RPH3AL: variants seen among roughly 807,000 people sequenced by gnomAD.
RPH3AL encodes the protein rab effector Noc2.
RPH3AL carries 38 observed loss-of-function variants against 43.1 expected under a neutral mutation model. The observed-to-expected ratio is 0.88, with a 90% confidence interval of 0.68 to 1.15. The LOEUF (loss-of-function observed/expected upper bound fraction) is 1.15. Ranked by LOEUF, RPH3AL falls within the 50% of genes most tolerant of loss-of-function variation. RPH3AL has a pLI of 0.00. For missense variants in RPH3AL, 462 were observed against 423.2 expected, an observed-to-expected ratio of 1.09 and a Z score of -0.81; for synonymous variants, 189 against 176.3, an observed-to-expected ratio of 1.07 and a Z score of -0.57.
intron 1 of RPH3AL, among the ~76,000 whole-genome samples, chr17:337,940 G>A (rs140928308): frequency 6.2e-4 from 94 of 152,274 alleles, no homozygotes; most frequent in African/African-American, 1.6e-3. Context: ...TTCATCTGAC[G>A]CTGTTCTCAT....
At chr17:318,153 C>A (rs891941808) in intron 5 of RPH3AL, among the ~76,000 whole-genome samples, 1 of 152,024 alleles carries the variant, frequency 6.6e-6, no homozygotes. Flanking sequence ...GAGGCCGAGG[C>A]AGGCGGATCA....
At position 273,894 on chromosome 17, in the gene RPH3AL, A is replaced by G. The variant is rs116911617; in HGVS notation, c.438+7874T>C. The stretch of plus-strand genomic sequence containing the variant: ...TTAACCAGCTTTCAGCTCCTTAAAA[A>G]TTGGTCTTCTTCACCCCTTTCTAGG... On this transcript the variant is annotated intron_variant, in intron 6 of 9. Transcript: ENST00000331302. Among the ~76,000 whole-genome samples, 5 of 152,268 alleles carry G rather than the reference A, an allele frequency of 3.3e-5. No individual in the cohort carries two copies. In the East Asian group the frequency reaches 9.7e-4, roughly 29 times the overall value.
chr17:340,081 T>G (rs1056209882), intron 1 of RPH3AL, among the ~76,000 whole-genome samples: 1 of 151,962 alleles, frequency 6.6e-6, no homozygotes, highest in Non-Finnish European at 1.5e-5. Context: ...CCAGACCCAC[T>G]GCCTGAACCA....
Position 213,644 on chromosome 17 carries a change from T to G in RPH3AL, c.*208A>C. On this transcript the variant is annotated 3_prime_UTR_variant, in exon 10 of 10. Transcript: ENST00000331302. ...AAGGTCGGGGGCTGAGGGCAGTGGT[T>G]GGAGGGGGTGGCGGATGCAGACAGC... 1.7e-6 allele frequency: 1 copy of G among 600,330 alleles called. No individual in the cohort carries two copies. The highest frequency in any genetic ancestry group is 3.0e-6 in the Non-Finnish European group (1 of 334,646). 37.2% of individuals were successfully genotyped at this position (600,330 alleles called of 1,614,324 possible).
chr17:327,380 G>A, intron 3 of RPH3AL, 87 bp downstream of exon 3: 2 of 1,198,486 alleles, frequency 1.7e-6, no homozygotes, highest in Non-Finnish European at 2.5e-6. Flanking sequence ...CTCTTTCTGG[G>A]CCCCTGGGAA....
At chr17:314,800 G>C (rs1265207330) in intron 5 of RPH3AL, among the ~76,000 whole-genome samples, 8 of 145,634 alleles carry the variant, frequency 5.5e-5, no homozygotes, top group African/African-American at 2.2e-4. Context: ...TGTAGTCCCT[G>C]TACTCCACGT....
rs538316456 is a variant in RPH3AL, at chr17:246,451, G to C, written c.613+660C>G. ...AGTCCCTCCTCTTCTCTGAGCCGCA[G>C]GTACACCCATCTATAAAATGCAGTC... On this transcript the variant is annotated intron_variant, in intron 7 of 9. Coordinates refer to ENST00000331302, the MANE Select transcript of RPH3AL (RefSeq NM_006987.4). This position sits in a 1 kb window ranked among gnomAD's most constrained non-coding sequence, Gnocchi z 4.8. Among the ~76,000 whole-genome samples the C allele has an allele frequency of 1.5e-3, 234 of 152,244 alleles. No homozygotes were observed. Among genetic ancestry groups the C allele is most frequent in the Non-Finnish European group, 2.1e-3 (142 of 68,016 alleles).
chr17:241,092 AATAATAATC>A (rs1022334656), intron 7 of RPH3AL, among the ~76,000 whole-genome samples: 1 of 64,932 alleles, frequency 1.5e-5, no homozygotes, highest in African/African-American at 6.0e-5. Context: ...TAATAATAAT[AATAATAATC>A]TTGTTGGCCA....
chr17:238,841 G>A (rs2041463191), intron 7 of RPH3AL, among the ~76,000 whole-genome samples: 2 of 152,106 alleles, frequency 1.3e-5, no homozygotes, highest in Non-Finnish European at 1.5e-5. Flanking sequence ...TACACCCCGG[G>A]GCCCACAGCA....
chr17:299,006 C>T (rs2043252705), intron 5 of RPH3AL, among the ~76,000 whole-genome samples: 1 of 151,456 alleles, frequency 6.6e-6, no homozygotes, highest in African/African-American at 2.4e-5. Flanking sequence ...GCCTCGGATA[C>T]CACGTGGGGG....
At chr17:260,964 A>C (rs1446250374) in intron 6 of RPH3AL, among the ~76,000 whole-genome samples, 1 of 152,178 alleles carries the variant, frequency 6.6e-6, no homozygotes, top group Non-Finnish European at 1.5e-5. Context: ...TTCCAGACAT[A>C]ATCTTGCATG....
chr17:339,923 C>A (rs1022484458), intron 1 of RPH3AL, among the ~76,000 whole-genome samples: 2 of 152,124 alleles, frequency 1.3e-5, no homozygotes, highest in African/African-American at 4.8e-5. Flanking sequence ...CTGGCTGTTT[C>A]CCGGAGCAGG....
At chr17:280,133 A>G (rs947787832) in intron 6 of RPH3AL, among the ~76,000 whole-genome samples, 2 of 152,158 alleles carry the variant, frequency 1.3e-5, no homozygotes, top group African/African-American at 4.8e-5. Flanking sequence ...AATTCAAAGT[A>G]TTTGCCATTT....
chr17:310,909 T>G (rs2043628812), intron 5 of RPH3AL, among the ~76,000 whole-genome samples: 1 of 152,102 alleles, frequency 6.6e-6, no homozygotes, highest in African/African-American at 2.4e-5. Flanking sequence ...CACCACCCCC[T>G]ACAGCAGGGC....
chr17:235,062 G>A (rs1045307575), intron 7 of RPH3AL, among the ~76,000 whole-genome samples: 22 of 151,994 alleles, frequency 1.4e-4, no homozygotes, highest in Middle Eastern at 6.3e-3. Context: ...TTATTAGCTC[G>A]GTGGGCGGAG....
chr17:298,337 G>C (rs2043232390), intron 5 of RPH3AL, among the ~76,000 whole-genome samples: 1 of 152,034 alleles, frequency 6.6e-6, no homozygotes, highest in Non-Finnish European at 1.5e-5. Context: ...ACTCTTAAAA[G>C]GTCAGTCCGT....
At chr17:267,873 G>T (rs2042359866) in intron 6 of RPH3AL, among the ~76,000 whole-genome samples, 1 of 152,130 alleles carries the variant, frequency 6.6e-6, no homozygotes, top group South Asian at 2.1e-4. Context: ...TTGGGTGTAT[G>T]CCCGTGAAAG....
chr17:326,200 C>G (rs1330913802), intron 3 of RPH3AL, among the ~76,000 whole-genome samples: 1 of 152,234 alleles, frequency 6.6e-6, no homozygotes, highest in African/African-American at 2.4e-5. Context: ...AGGAGCCGAG[C>G]CCTCCTGGCG....
Position 303,584 on chromosome 17 carries a change from A to G in RPH3AL, c.351+15836T>C, listed in dbSNP as rs112391759. Among the ~76,000 whole-genome samples the G allele has an allele frequency of 3.2e-4, 6 of 18,784 alleles. No individual in the cohort carries two copies. The East Asian group carries it at 6.4e-3, about 20-fold the overall frequency. 12.3% of individuals were successfully genotyped at this position (18,784 alleles called of 152,430 possible). On this transcript the variant is annotated intron_variant, in intron 5 of 9. Transcript: ENST00000331302. Reference sequence around the variant, plus strand: ...TGTACTGAGGTTTTAATAATTATTGAGCAGTGACCGTGTTTCAGGAAAGAG... The same window carrying G: ...TGTACTGAGGTTTTAATAATTATTGGGCAGTGACCGTGTTTCAGGAAAGAG...
Sources: allele counts gnomAD v4.1 joint callset (sites outside exome capture counted in the v4.1 genomes callset), GRCh38; gene constraint gnomAD v4.1.1; non-coding constraint Gnocchi (gnomAD v3.1); transcripts MANE v1.5; gene names NCBI Gene and HGNC (gene_info 2026-07-23, HGNC 2026-07-21).